The following PTPN4 variants were observed in gnomAD, a reference collection of about 807,000 sequenced individuals.
PTPN4 encodes the protein tyrosine-protein phosphatase non-receptor type 4.
In PTPN4, 49 loss-of-function variants were observed where a neutral mutation model predicts 135.5. The ratio of observed to expected loss-of-function variants is 0.36; its 90% CI spans 0.29 to 0.46. The LOEUF is 0.46. Among genes scored for constraint, PTPN4 ranks in the 20% least tolerant of loss-of-function variants. PTPN4 has a pLI of 1.00. For missense variants in PTPN4, 860 were observed against 1,101.0 expected, an observed-to-expected ratio of 0.78 and a Z score of 3.10; for synonymous variants, 333 against 369.9, an observed-to-expected ratio of 0.90 and a Z score of 1.14.
At chr2:119,803,459 A>G (rs964606870) in intron 1 of PTPN4, among the ~76,000 whole-genome samples, 2 of 152,114 alleles carry the variant, frequency 1.3e-5, no homozygotes, top group Non-Finnish European at 2.9e-5. Context: ...TTTAGTTTCT[A>G]CGTGTTTGGA....
chr2:119,922,983 T>C (rs1009537170), intron 12 of PTPN4, among the ~76,000 whole-genome samples: 1 of 152,240 alleles, frequency 6.6e-6, no homozygotes, highest in Non-Finnish European at 1.5e-5. Flanking sequence ...TTTTAATCTC[T>C]CTAGAATATG....
At chr2:119,783,751 A>C (rs2104930137) in intron 1 of PTPN4, among the ~76,000 whole-genome samples, 1 of 152,376 alleles carries the variant, frequency 6.6e-6, no homozygotes, top group East Asian at 1.9e-4. Context: ...AATAAGTGAC[A>C]GAATGTGAGA....
chr2:119,871,879 T>G (rs571502979), intron 3 of PTPN4, among the ~76,000 whole-genome samples: 137 of 152,152 alleles, frequency 9.0e-4, no homozygotes, highest in Non-Finnish European at 1.6e-3. Context: ...AGATTCATGG[T>G]TAGTTGGTCT....
At chr2:119,840,808 G>A (rs1437526197) in intron 2 of PTPN4, among the ~76,000 whole-genome samples, 3 of 152,226 alleles carry the variant, frequency 2.0e-5, no homozygotes, top group African/African-American at 7.2e-5. Flanking sequence ...GTATCTCATT[G>A]TGGTTTTGAT....
At chr2:119,898,457 C>T (rs1045415974) in intron 9 of PTPN4, among the ~76,000 whole-genome samples, 8 of 152,226 alleles carry the variant, frequency 5.3e-5, no homozygotes, top group Non-Finnish European at 1.0e-4. Context: ...GGATCCCAAG[C>T]TAAACAGCTA....
chr2:119,852,709 G>A (rs921789942), intron 2 of PTPN4, among the ~76,000 whole-genome samples: 4 of 151,188 alleles, frequency 2.6e-5, no homozygotes, highest in Non-Finnish European at 1.5e-5. Flanking sequence ...ATTTTCTTTA[G>A]GTAGGAGCTT....
chr2:119,858,930 G>T (rs141751508), intron 2 of PTPN4, among the ~76,000 whole-genome samples: 3 of 151,898 alleles, frequency 2.0e-5, no homozygotes, highest in Admixed American at 2.0e-4. Context: ...CACCGCACCC[G>T]GCCCTTTTCT....
At chr2:119,878,956 G>T (rs574475125) in intron 5 of PTPN4, among the ~76,000 whole-genome samples, 14 of 151,906 alleles carry the variant, frequency 9.2e-5, no homozygotes, top group Non-Finnish European at 1.6e-4. Flanking sequence ...AGCCGGGTGT[G>T]GTGGCAGGCG....
At chr2:119,971,346 C>T (rs1679531209) in intron 26 of PTPN4, among the ~76,000 whole-genome samples, 1 of 152,192 alleles carries the variant, frequency 6.6e-6, no homozygotes, top group African/African-American at 2.4e-5. Flanking sequence ...AGTCACCTCC[C>T]ACAAGGCCTC....
chr2:119,774,262 A>G (rs1304882445), intron 1 of PTPN4, among the ~76,000 whole-genome samples: 1 of 152,252 alleles, frequency 6.6e-6, no homozygotes, highest in African/African-American at 2.4e-5. Flanking sequence ...ATGTCACAAC[A>G]TTACAAGAAA....
At chr2:119,822,060 T>C (rs894431355) in intron 2 of PTPN4, among the ~76,000 whole-genome samples, 8 of 152,152 alleles carry the variant, frequency 5.3e-5, no homozygotes, top group African/African-American at 1.9e-4. Flanking sequence ...TGCTTTCCAC[T>C]ATGCTTGATG....
At chr2:119,952,952 C>G (rs1345578894) in intron 19 of PTPN4, among the ~76,000 whole-genome samples, 1 of 152,166 alleles carries the variant, frequency 6.6e-6, no homozygotes, top group Non-Finnish European at 1.5e-5. Context: ...AGTCCTGCTC[C>G]TAAGTCTGTC....
In PTPN4 at chr2:119,798,954, T is replaced by C. The variant is rs538103880; in HGVS notation, c.-17-10883T>C. Among the ~76,000 whole-genome samples, 16 of 152,326 alleles carry C rather than the reference T, an allele frequency of 1.1e-4. No homozygotes were observed. In the South Asian group the frequency reaches 1.9e-3, roughly 18 times the overall value. On this transcript the variant is annotated intron_variant, in intron 1 of 26. Transcript: ENST00000263708. ...AAGGGTGGAAAATATACTGTTGATA[T>C]ATCGTTATGATTGCTTTATCGAATG...
At chr2:119,763,226 A>C (rs1690542307) in intron 1 of PTPN4, among the ~76,000 whole-genome samples, 1 of 152,206 alleles carries the variant, frequency 6.6e-6, no homozygotes, top group African/African-American at 2.4e-5. Flanking sequence ...TCTTAAGTAG[A>C]AACTTTGGAA....
chr2:119,790,785 T>G (rs976971334), intron 1 of PTPN4, among the ~76,000 whole-genome samples: 2 of 152,186 alleles, frequency 1.3e-5, no homozygotes, highest in African/African-American at 4.8e-5. Context: ...TGTTGTTGTA[T>G]GTTGATATTT....
At chr2:119,935,073 CA>C in intron 15 of PTPN4, 115 bp downstream of exon 15, 1 of 1,234,108 alleles carries the variant, frequency 8.1e-7, no homozygotes, top group Non-Finnish European at 1.1e-6. Context: ...TGCAACTTTT[CA>C]AAATGTGTAT....
intron 1 of PTPN4, among the ~76,000 whole-genome samples, chr2:119,761,349 A>T (rs77685280): frequency 0.014 from 2,193 of 152,130 alleles, 47 homozygotes; most frequent in African/African-American, 0.05. Flanking sequence ...GAGGAAAAAA[A>T]TTTTTTTTCA....
At chr2:119,814,665 C>G (rs183010500) in intron 2 of PTPN4, among the ~76,000 whole-genome samples, 1 of 152,140 alleles carries the variant, frequency 6.6e-6, no homozygotes, top group Admixed American at 6.5e-5. Flanking sequence ...TCATTACTAA[C>G]TATACCTACA....
In PTPN4 at chr2:119,981,672, A is replaced by T. The variant is rs1457614370; in HGVS notation, c.*4602A>T. The T allele has an allele frequency of 6.6e-6, 1 of 152,050 alleles. No homozygotes were observed. Among genetic ancestry groups the T allele is most frequent in the Non-Finnish European group, 1.5e-5 (1 of 67,946 alleles). 9.4% of individuals were successfully genotyped at this position (152,050 alleles called of 1,614,324 possible). On this transcript the variant is annotated 3_prime_UTR_variant, in exon 27 of 27. Transcript: ENST00000263708. Reference sequence around the variant, plus strand: ...TCCCTAATTTGTATGTTTTTTGTTCAACTTACCGTGTCTGCAACCATTATA... The same window carrying T: ...TCCCTAATTTGTATGTTTTTTGTTCTACTTACCGTGTCTGCAACCATTATA...
Sources: gnomAD v4.1 joint callset for allele counts (sites outside exome capture counted in the v4.1 genomes callset) on GRCh38, gnomAD v4.1.1 for gene constraint, MANE v1.5 for transcripts, NCBI Gene and HGNC (gene_info 2026-07-23, HGNC 2026-07-21) for gene names.